The following STPG2 variants were observed in gnomAD, a reference collection of about 807,000 sequenced individuals.
The protein encoded by STPG2 is sperm-tail PG-rich repeat-containing protein 2.
In STPG2, 56 loss-of-function variants were observed where a neutral mutation model predicts 54.2. The observed-to-expected ratio is 1.03, with a 90% CI of 0.83 to 1.29. STPG2 has a LOEUF of 1.29. Among genes scored for constraint, STPG2 ranks in the 50% most tolerant of loss-of-function variants. The pLI is 0.00. For missense variants in STPG2, 596 were observed against 544.9 expected (o/e 1.09, Z -0.93); for synonymous variants, 200 against 181.8 (o/e 1.10, Z -0.81).
chr4:97,923,302 A>ACC (rs79611394), intron 8 of STPG2, among the ~76,000 whole-genome samples: 5 of 131,850 alleles, frequency 3.8e-5, no homozygotes, highest in South Asian at 2.5e-4. Context: ...TTCCCCTCCC[A>ACC]CCCCCCCCGC....
At chr4:97,621,177 C>T (rs1015274064) in intron 10 of STPG2, among the ~76,000 whole-genome samples, 3 of 152,012 alleles carry the variant, frequency 2.0e-5, no homozygotes, top group Admixed American at 1.3e-4. Context: ...TGAATTCCCA[C>T]ATCAAAAAGA....
chr4:97,993,781 C>T (rs534209186), intron 5 of STPG2, among the ~76,000 whole-genome samples: 2 of 152,210 alleles, frequency 1.3e-5, no homozygotes, highest in South Asian at 4.1e-4. Context: ...TTGGTCTGTT[C>T]AGAGTTTCTC....
intron 9 of STPG2, among the ~76,000 whole-genome samples, chr4:97,767,366 T>G (rs1310104807): frequency 6.6e-6 from 1 of 152,122 alleles, no homozygotes; most frequent in Non-Finnish European, 1.5e-5. Context: ...TTTAAAGATT[T>G]TTACCATTTA....
chr4:97,925,573 T>G (rs982039687), intron 8 of STPG2, among the ~76,000 whole-genome samples: 1 of 152,106 alleles, frequency 6.6e-6, no homozygotes, highest in Non-Finnish European at 1.5e-5. Context: ...TATAATAAGA[T>G]AACAACAGAC....
chr4:97,945,038 GA>G (rs944732042), intron 7 of STPG2, among the ~76,000 whole-genome samples: 25 of 152,216 alleles, frequency 1.6e-4, no homozygotes, highest in African/African-American at 6.0e-4. Context: ...GTTTGAAGCT[GA>G]AAAATAACTT....
intron 10 of STPG2, among the ~76,000 whole-genome samples, chr4:97,588,071 A>C (rs1578407826): frequency 6.6e-6 from 1 of 152,084 alleles, no homozygotes; most frequent in African/African-American, 2.4e-5. Context: ...TGACACAGAA[A>C]GTATATGTGT....
At chr4:98,111,649 T>C (rs547304042) in intron 3 of STPG2, among the ~76,000 whole-genome samples, 1 of 152,246 alleles carries the variant, frequency 6.6e-6, no homozygotes, top group African/African-American at 2.4e-5. Context: ...GATGGTCAAC[T>C]TTAGATGTCA....
At chr4:97,979,702 G>A (rs1047587706) in intron 6 of STPG2, among the ~76,000 whole-genome samples, 12 of 151,652 alleles carry the variant, frequency 7.9e-5, no homozygotes, top group African/African-American at 1.7e-4. Context: ...CCTGGGCAAC[G>A]AAATGAGGCC....
intron 5 of STPG2, among the ~76,000 whole-genome samples, chr4:97,982,374 C>T (rs1280728771): frequency 9.1e-6 from 1 of 110,102 alleles, no homozygotes; most frequent in Non-Finnish European, 1.7e-5. Flanking sequence ...GTCTCTCTTA[C>T]TCTACACACA....
chr4:97,698,764 G>T (rs571705761), intron 10 of STPG2, among the ~76,000 whole-genome samples: 2 of 152,032 alleles, frequency 1.3e-5, no homozygotes, highest in Non-Finnish European at 2.9e-5. Context: ...TCACCTAGTC[G>T]GCGTTGTAAT....
At chr4:97,651,939 G>T (rs145179797) in intron 10 of STPG2, among the ~76,000 whole-genome samples, 96 of 151,914 alleles carry the variant, frequency 6.3e-4, no homozygotes, top group Non-Finnish European at 1.2e-3. Flanking sequence ...AATTATTCTT[G>T]CCATATGAAA....
chr4:97,592,896 G>GC (rs2148899616), intron 10 of STPG2, among the ~76,000 whole-genome samples: 1 of 152,258 alleles, frequency 6.6e-6, no homozygotes, highest in South Asian at 2.1e-4. Flanking sequence ...CAGGACTCCA[G>GC]CCTCTGTAGA....
At chr4:97,838,697 A>C (rs1365174473) in intron 9 of STPG2, among the ~76,000 whole-genome samples, 5 of 151,494 alleles carry the variant, frequency 3.3e-5, no homozygotes. Context: ...GGCCCTGGGC[A>C]CCTACTAAAT....
chr4:97,961,683 C>T (rs1326701066), intron 7 of STPG2, among the ~76,000 whole-genome samples: 3 of 151,944 alleles, frequency 2.0e-5, no homozygotes, highest in Non-Finnish European at 4.4e-5. Context: ...GCAAGAATGG[C>T]CATAATCAAA....
rs147095619 is a variant in STPG2, at chr4:97,585,202, C to T, written c.1321-26085G>A. Among the ~76,000 whole-genome samples, 433 of 149,970 alleles carry T rather than the reference C, an allele frequency of 2.9e-3. 1 individual carries two copies. Among genetic ancestry groups the T allele is most frequent in the Non-Finnish European group, 4.4e-3 (300 of 67,658 alleles). On this transcript the variant is annotated intron_variant, in intron 10 of 10. Transcript: ENST00000295268. ...ATCCAGTAGATTTCTACCAGGGATGCAGGGATGGTTTAACATATGCAAGTC... is the reference window on the plus strand; with the variant it reads ...ATCCAGTAGATTTCTACCAGGGATGTAGGGATGGTTTAACATATGCAAGTC...
At chr4:98,079,719 T>C (rs768019039) in intron 5 of STPG2, among the ~76,000 whole-genome samples, 1 of 152,208 alleles carries the variant, frequency 6.6e-6, no homozygotes, top group Non-Finnish European at 1.5e-5. Context: ...TAATGTGATA[T>C]AGCAATATTC....
intron 10 of STPG2, among the ~76,000 whole-genome samples, chr4:97,643,257 A>G (rs762378837): frequency 6.6e-6 from 1 of 151,596 alleles, no homozygotes; most frequent in Non-Finnish European, 1.5e-5. Flanking sequence ...TATTGCCAAA[A>G]TTATCTCCAT....
intron 8 of STPG2, among the ~76,000 whole-genome samples, chr4:97,850,426 A>G (rs867304897): frequency 3.2e-4 from 48 of 151,648 alleles, no homozygotes; most frequent in Middle Eastern, 3.4e-3. Flanking sequence ...ATACCAACGT[A>G]TTATTTCCAG....
intron 10 of STPG2, among the ~76,000 whole-genome samples, chr4:97,641,991 T>C (rs1721779868): frequency 6.6e-6 from 1 of 151,514 alleles, no homozygotes; most frequent in South Asian, 2.1e-4. Flanking sequence ...TTCTCCATGG[T>C]TTATTTGGCA....
Sources: gnomAD v4.1 joint callset for allele counts (sites outside exome capture counted in the v4.1 genomes callset) on GRCh38, gnomAD v4.1.1 for gene constraint, MANE v1.5 for transcripts, NCBI Gene and HGNC (gene_info 2026-07-23, HGNC 2026-07-21) for gene names.